Variants in FAM209A observed in about 807,000 individuals in gnomAD.
The protein encoded by FAM209A is protein FAM209A.
FAM209A carries 4 observed loss-of-function variants against 9.8 expected under a neutral mutation model. The ratio of observed to expected loss-of-function variants is 0.41; its 90% CI spans 0.20 to 0.94. The LOEUF (loss-of-function observed/expected upper bound fraction) is 0.94, where lower values mean the gene tolerates loss of function less well. Among genes scored for constraint, FAM209A ranks in the 40% least tolerant of loss-of-function variants. The probability of loss-of-function intolerance (pLI) is 0.32; values close to 1 mark genes in which losing one functional copy is unlikely to be tolerated. For missense variants in FAM209A, 205 were observed against 209.4 expected (o/e 0.98, Z 0.13); for synonymous variants, 55 against 77.8 (o/e 0.71, Z 1.54).
chr20:56,530,206 T>C (rs966433035), downstream of FAM209A, among the ~76,000 whole-genome samples: 10 of 148,888 alleles, frequency 6.7e-5, no homozygotes, highest in African/African-American at 2.5e-4. Context: ...ATACTGAGTA[T>C]CTACTGTATG....
downstream of FAM209A, among the ~76,000 whole-genome samples, chr20:56,530,981 G>A (rs1218451065): frequency 2.0e-5 from 3 of 152,136 alleles, no homozygotes; most frequent in Non-Finnish European, 4.4e-5. Context: ...ATGACCCAGG[G>A]GAACAAGTAC....
At chr20:56,532,034 G>C in the FAM209A span, among the ~76,000 whole-genome samples, 7 of 144,564 alleles carry the variant, frequency 4.8e-5, no homozygotes, top group East Asian at 8.3e-4. Flanking sequence ...GAGTGCAGTG[G>C]CGCCATCTAA....
At chr20:56,526,905 A>G (rs1399255806), downstream of FAM209A, among the ~76,000 whole-genome samples, 1 of 152,218 alleles carries the variant, frequency 6.6e-6, no homozygotes, top group African/African-American at 2.4e-5. Flanking sequence ...CATCTCTATT[A>G]TTTTAAATTA....
chr20:56,525,163 C>G (rs184642716), intron 1 of FAM209A, 106 bp downstream of exon 1: 9 of 1,482,414 alleles, frequency 6.1e-6, no homozygotes, highest in Non-Finnish European at 8.2e-6. Context: ...TATAATGAAC[C>G]GACCTCATGG....
chr20:56,525,778 C>T (rs1282017784), intron 1 of FAM209A, 26 bp from the exon 2 acceptor site: 2 of 1,606,022 alleles, frequency 1.2e-6, no homozygotes, highest in Non-Finnish European at 1.7e-6. Flanking sequence ...CACAATATTA[C>T]TGACCTTGAG....
chr20:56,525,821 C>A lies in FAM209A; in HGVS notation c.267C>A (p.Gly89=), dbSNP rs777923228. ...CCTGACAGGAGCAGAGTCCTCCTGG[C>A]CTTCGAGGCGGCCAACTTCACTCTC... ...SEKNKEQSPP[G]LRGGQLHSPL... The change falls in exon 2 of 2, where the codon GGC becomes GGA. Residue 89 remains glycine (G), a synonymous_variant. Transcript: ENST00000371328. The A allele has an allele frequency of 6.2e-7, 1 of 1,614,044 alleles. No individual in the cohort carries two copies. The highest frequency in any genetic ancestry group is 1.1e-5 in the South Asian group (1 of 91,074).
At chr20:56,527,186 G>A (rs144129040), downstream of FAM209A, among the ~76,000 whole-genome samples, 17 of 151,214 alleles carry the variant, frequency 1.1e-4, no homozygotes, top group African/African-American at 4.1e-4. Flanking sequence ...TGATGGATGG[G>A]TTTCTGTATG....
chr20:56,533,211 C>A, the FAM209A span: 1 of 1,538,642 alleles, frequency 6.5e-7, no homozygotes, highest in African/African-American at 1.4e-5. Flanking sequence ...GAAATCATCA[C>A]AATGGCCAGG....
chr20:56,527,234 G>C (rs899476486), downstream of FAM209A, among the ~76,000 whole-genome samples: 1 of 150,718 alleles, frequency 6.6e-6, no homozygotes, highest in African/African-American at 2.4e-5. Context: ...ATTATTTTCT[G>C]GCTCCACCTT....
At chr20:56,526,966 T>G (rs186818216), downstream of FAM209A, among the ~76,000 whole-genome samples, 6 of 152,332 alleles carry the variant, frequency 3.9e-5, no homozygotes, top group East Asian at 1.2e-3. Context: ...GAGTTTTGGA[T>G]ACAAGTGTGC....
the FAM209A span, among the ~76,000 whole-genome samples, chr20:56,531,597 G>A: frequency 1.3e-5 from 2 of 151,500 alleles, no homozygotes; most frequent in African/African-American, 2.4e-5. Flanking sequence ...CACCGTGCCC[G>A]GCCTCTTACC....
intron 1 of FAM209A, 80 bp from the exon 2 acceptor site, chr20:56,525,724 A>G (rs1985497715): frequency 7.0e-7 from 1 of 1,432,616 alleles, no homozygotes; most frequent in South Asian, 1.3e-5. Context: ...GCAACTACTC[A>G]AGTCTGCTGT....
chr20:56,527,211 T>G (rs115854877), downstream of FAM209A, among the ~76,000 whole-genome samples: 26 of 145,524 alleles, frequency 1.8e-4, no homozygotes, highest in African/African-American at 5.0e-4. Flanking sequence ...TACAGGTGTG[T>G]TTTTTTTTTT....
downstream of FAM209A, among the ~76,000 whole-genome samples, chr20:56,529,880 G>A (rs944211350): frequency 2.0e-5 from 3 of 152,014 alleles, no homozygotes; most frequent in African/African-American, 7.2e-5. Context: ...AATTAGGCAG[G>A]CGTGATGGCA....
the FAM209A span, chr20:56,533,558 C>G: frequency 7.4e-6 from 12 of 1,614,168 alleles, no homozygotes; most frequent in East Asian, 2.5e-4. Flanking sequence ...GTTTGTGATA[C>G]TGCAGTGTCA....
chr20:56,525,770 C>T (rs1369241496), intron 1 of FAM209A, 34 bp from the exon 2 acceptor site: 4 of 1,601,498 alleles, frequency 2.5e-6, no homozygotes, highest in Non-Finnish European at 3.4e-6. Context: ...ACAAAGTTCA[C>T]AATATTACTG....
At chr20:56,531,949 T>TTTTTCTTTTCTTTTCTTTTC in the FAM209A span, among the ~76,000 whole-genome samples, 8 of 126,332 alleles carry the variant, frequency 6.3e-5, no homozygotes, top group African/African-American at 2.5e-4. Flanking sequence ...GTATACTCTT[T>TTTTTCTTTTCTTTTCTTTTC]TTTTCTTTTC....
the FAM209A span, among the ~76,000 whole-genome samples, chr20:56,532,259 GC>G: frequency 6.6e-6 from 1 of 151,984 alleles, no homozygotes; most frequent in South Asian, 2.1e-4. Context: ...ACAAGTGTGA[GC>G]CACCAGGCCT....
chr20:56,529,765 GT>G (rs1167269333), downstream of FAM209A, among the ~76,000 whole-genome samples: 9 of 152,054 alleles, frequency 5.9e-5, no homozygotes, highest in African/African-American at 2.2e-4. Context: ...GGAGGTGGAG[GT>G]TGCAGTGAGC....
Sources: allele counts gnomAD v4.1 joint callset (sites outside exome capture counted in the v4.1 genomes callset), GRCh38; gene constraint gnomAD v4.1.1; transcripts MANE v1.5; gene names NCBI Gene and HGNC (gene_info 2026-07-23, HGNC 2026-07-21).